Variants in REEP5 observed in about 807,000 individuals in gnomAD.
REEP5 encodes receptor expression-enhancing protein 5.
In REEP5, 24 loss-of-function variants were observed where a neutral mutation model predicts 22.4. The ratio of observed to expected loss-of-function variants is 1.07; its 90% confidence interval spans 0.78 to 1.51. The LOEUF is 1.51. Among genes scored for constraint, REEP5 ranks in the 40% most tolerant of loss-of-function variants. REEP5 has a pLI of 0.00. For missense variants in REEP5, 252 were observed against 233.0 expected, an observed-to-expected ratio of 1.08 and a Z score of -0.53; for synonymous variants, 103 against 88.6, an observed-to-expected ratio of 1.16 and a Z score of -0.92.
In REEP5 at chr5:112,878,804, T is replaced by C. The variant is rs1767974057; in HGVS notation, c.552A>G (p.Glu184=). ...AKKATVNLLG[E]EKKST ...GTCTGGTTTAGGTGCTCTTCTTTTC[T>C]TCACCCAGTAAATTCACGGTAGCTT... Residue 184 remains glutamate, a synonymous_variant, in exon 5 of 5, where the codon GAA becomes GAG. Coordinates refer to ENST00000379638, the MANE Select transcript of REEP5 (RefSeq NM_005669.5). 1 of 1,614,084 alleles carries C rather than the reference T, an allele frequency of 6.2e-7. No individual in the cohort carries two copies. Among genetic ancestry groups the C allele is most frequent in the Non-Finnish European group, 8.5e-7 (1 of 1,180,048 alleles).
At position 112,905,540 on chromosome 5, in the gene REEP5, C is replaced by CA. The variant is rs1425420457; in HGVS notation, c.213-3023dup. 1.2e-3 allele frequency among the ~76,000 whole-genome samples: 131 copies of CA among 107,158 alleles called. 1 individual carries two copies. The highest frequency in any genetic ancestry group is 0.012 in the East Asian group (41 of 3,524). The allele number at this position is 107,158 out of a possible 152,430, so 70.3% of individuals were successfully genotyped here. On this transcript the variant is annotated intron_variant, in intron 2 of 4. Coordinates refer to ENST00000379638, the MANE Select transcript of REEP5 (RefSeq NM_005669.5). ...TGGGTGACAGAGCAAGACTCGGTCT[C>CA]AAAAAAAAAACAAAACAAAAAAAAA...
chr5:112,892,817 C>T (rs1299606333), intron 3 of REEP5: 7 of 1,613,578 alleles, frequency 4.3e-6, no homozygotes, highest in Admixed American at 1.7e-5. Flanking sequence ...CCAGACCACA[C>T]CTACAAAAGA....
chr5:112,896,190 G>A (rs781575563), intron 3 of REEP5: 2 of 152,660 alleles, frequency 1.3e-5, no homozygotes, highest in Non-Finnish European at 2.9e-5. Context: ...TTAAAGGAAA[G>A]ATTTCCCTGT....
intron 4 of REEP5, among the ~76,000 whole-genome samples, chr5:112,884,549 T>C (rs1277366060): frequency 1.3e-5 from 2 of 152,038 alleles, no homozygotes; most frequent in Non-Finnish European, 2.9e-5. Context: ...GGCTAATTTT[T>C]AAATTTTTGT....
intron 3 of REEP5, among the ~76,000 whole-genome samples, chr5:112,898,953 A>G (rs1768775983): frequency 6.6e-6 from 1 of 152,256 alleles, no homozygotes; most frequent in East Asian, 1.9e-4. Flanking sequence ...TCAAAAATAT[A>G]AAAGAATCTA....
intron 3 of REEP5, chr5:112,897,717 A>T (rs572161506): frequency 1.3e-5 from 2 of 152,258 alleles, no homozygotes; most frequent in African/African-American, 4.8e-5. Context: ...GCTTTAGAAA[A>T]ATGAAAATAA....
chr5:112,898,703 T>C (rs1561654338), intron 3 of REEP5, among the ~76,000 whole-genome samples: 1 of 152,224 alleles, frequency 6.6e-6, no homozygotes, highest in Non-Finnish European at 1.5e-5. Flanking sequence ...TACTGTGAGG[T>C]CCCTACGATT....
In REEP5 at chr5:112,878,066, C is replaced by G. The variant is rs1767952732; in HGVS notation, c.*720G>C. On this transcript the variant is annotated 3_prime_UTR_variant, in exon 5 of 5. Transcript: ENST00000379638. ...CTAGAGTGAGTAACTAACTAACTAA[C>G]TGCTTTATAAAGCTATCCTGGTATT... The G allele has an allele frequency of 7.0e-6, 1 of 142,912 alleles. No homozygotes were observed. Among genetic ancestry groups the G allele is most frequent in the Admixed American group, 7.2e-5 (1 of 13,820 alleles). The allele number at this position is 142,912 out of a possible 1,614,324, so 8.9% of individuals were successfully genotyped here. A position where few individuals can be genotyped will look rare whatever the true frequency, so the allele number is the denominator to read the frequency against.
chr5:112,884,237 G>A (rs533567425), intron 4 of REEP5, among the ~76,000 whole-genome samples: 8 of 152,212 alleles, frequency 5.3e-5, no homozygotes, highest in Admixed American at 2.0e-4. Flanking sequence ...TATGTGATAC[G>A]TCTTCCAGCC....
At chr5:112,916,553 T>C (rs1311070148) in intron 2 of REEP5, among the ~76,000 whole-genome samples, 1 of 152,238 alleles carries the variant, frequency 6.6e-6, no homozygotes, top group African/African-American at 2.4e-5. Context: ...GATATATGAT[T>C]TGGGATGACA....
At chr5:112,913,061 T>C (rs768173056) in intron 2 of REEP5, among the ~76,000 whole-genome samples, 10 of 152,130 alleles carry the variant, frequency 6.6e-5, no homozygotes, top group Non-Finnish European at 1.0e-4. Context: ...CCCAACACTT[T>C]GGGAGGCCAA....
At chr5:112,914,509 A>G (rs1373960096) in intron 2 of REEP5, among the ~76,000 whole-genome samples, 1 of 152,104 alleles carries the variant, frequency 6.6e-6, no homozygotes, top group Non-Finnish European at 1.5e-5. Context: ...CCCCAAAAAA[A>G]CTGTTTGAAT....
intron 3 of REEP5, among the ~76,000 whole-genome samples, chr5:112,899,897 G>A (rs1768803501): frequency 6.6e-6 from 1 of 152,160 alleles, no homozygotes; most frequent in Admixed American, 6.5e-5. Context: ...AAATCTAAAT[G>A]CTCCAATGAG....
chr5:112,919,028 C>T (rs1213353519), intron 2 of REEP5, among the ~76,000 whole-genome samples: 1 of 152,238 alleles, frequency 6.6e-6, no homozygotes, highest in Admixed American at 6.5e-5. Context: ...AGTGCTACCA[C>T]AGTGCCACAC....
intron 2 of REEP5, among the ~76,000 whole-genome samples, chr5:112,906,543 TCA>T (rs1193621315): frequency 6.6e-6 from 1 of 152,108 alleles, no homozygotes; most frequent in East Asian, 1.9e-4. Flanking sequence ...GGTCATAGTC[TCA>T]GTGTCCAGAT....
rs1767966202 is a variant in REEP5 at position 112,878,550 on chromosome 5, G to C, written c.*236C>G. On this transcript the variant is annotated 3_prime_UTR_variant, in exon 5 of 5. Transcript: ENST00000379638. The stretch of plus-strand genomic sequence containing the variant: ...CAACATACATCTTTTCCTACCCAGA[G>C]GCAAAATACATTTTCCAAAAACGTG... The C allele has an allele frequency of 1.9e-6, 1 of 514,362 alleles. No individual in the cohort carries two copies. The highest frequency in any genetic ancestry group is 3.6e-5 in the South Asian group (1 of 27,930). The allele number at this position is 514,362 out of a possible 1,614,324, so 31.9% of individuals were successfully genotyped here. A position where few individuals can be genotyped will look rare whatever the true frequency, so the allele number is the denominator to read the frequency against.
chr5:112,918,204 G>A (rs184095005), intron 2 of REEP5, among the ~76,000 whole-genome samples: 47 of 152,224 alleles, frequency 3.1e-4, no homozygotes, highest in African/African-American at 9.9e-4. Flanking sequence ...GAAAGACCCT[G>A]TTCTCAAAGA....
At chr5:112,921,920 T>A in intron 1 of REEP5, 153 bp downstream of exon 1, 1 of 997,576 alleles carries the variant, frequency 1.0e-6, no homozygotes, top group South Asian at 2.0e-5. Context: ...GCCCACGCTT[T>A]CCGGGAGGCC....
intron 2 of REEP5, among the ~76,000 whole-genome samples, chr5:112,919,169 G>A (rs566159035): frequency 2.0e-5 from 3 of 152,310 alleles, no homozygotes; most frequent in South Asian, 4.1e-4. Context: ...TGGTCTGAAT[G>A]TTGTGTTCCC....
Sources: allele counts gnomAD v4.1 joint callset (sites outside exome capture counted in the v4.1 genomes callset), GRCh38; gene constraint gnomAD v4.1.1; transcripts MANE v1.5; gene names NCBI Gene and HGNC (gene_info 2026-07-23, HGNC 2026-07-21).